ZSCAN20: variants seen among roughly 807,000 people sequenced by gnomAD.
ZSCAN20 encodes the protein zinc finger and SCAN domain-containing protein 20.
Under a neutral mutation model 97.1 loss-of-function variants are expected in ZSCAN20, and 39 were observed. The ratio of observed to expected loss-of-function variants is 0.40; its 90% CI spans 0.31 to 0.52. The LOEUF (loss-of-function observed/expected upper bound fraction) is 0.52, where lower values mean the gene tolerates loss of function less well. ZSCAN20 is among the 20% of genes least tolerant of loss of function. The pLI is 0.49. For synonymous variants in ZSCAN20, 456 were observed against 467.3 expected, an observed-to-expected ratio of 0.98 and a Z score of 0.31; for missense variants, 1,115 against 1,290.4, an observed-to-expected ratio of 0.86 and a Z score of 2.08.
At position 33,500,011 on chromosome 1, in the gene ZSCAN20, C is replaced by A. The variant is rs2148488706; in HGVS notation, c.*4535C>A. ...CAGTGGGAGTGCAGGGAAGGCTTTA[C>A]AGGAGAGGAGGGAGTTGAAATGGGC... On this transcript the variant is annotated 3_prime_UTR_variant, in exon 8 of 8. Transcript: ENST00000684572. Among the ~76,000 whole-genome samples, 1 of 152,272 alleles carries A rather than the reference C, an allele frequency of 6.6e-6. No homozygotes were observed. The highest frequency in any genetic ancestry group is 2.4e-5 in the African/African-American group (1 of 41,542).
At chr1:33,482,010 T>C (rs1277664413) in intron 2 of ZSCAN20, among the ~76,000 whole-genome samples, 1 of 152,200 alleles carries the variant, frequency 6.6e-6, no homozygotes, top group Non-Finnish European at 1.5e-5. Flanking sequence ...AATATGTTTA[T>C]TACCATTGAT....
At position 33,490,675 on chromosome 1, in the gene ZSCAN20, ACACACACAC is replaced by A. The variant is rs751128827; in HGVS notation, c.767-342_767-334del. Among the ~76,000 whole-genome samples, 432 of 58,612 alleles carry A rather than the reference ACACACACAC, an allele frequency of 7.4e-3. 1 individual carries two copies. The highest frequency in any genetic ancestry group is 0.027 in the African/African-American group (303 of 11,430). 38.5% of individuals were successfully genotyped at this position (58,612 alleles called of 152,430 possible). The stretch of plus-strand genomic sequence containing the variant: ...AACACACACACACACACACACACAC[ACACACACAC>A]CACACACCCTTTTCCTCCAGCCATG... On this transcript the variant is annotated intron_variant, in intron 5 of 7. Coordinates refer to ENST00000684572, the MANE Select transcript of ZSCAN20 (RefSeq NM_001377376.1).
In ZSCAN20 at chr1:33,491,595, AT is replaced by A; in HGVS notation, c.1338del (p.Pro447LeufsTer122). 6.2e-7 allele frequency: 1 copy of A among 1,614,170 alleles called. No homozygotes were observed. Among genetic ancestry groups the A allele is most frequent in the South Asian group, 1.1e-5 (1 of 91,082 alleles). On this transcript the variant is annotated frameshift_variant, in exon 6 of 8. Transcript: ENST00000684572. LOFTEE classifies it high-confidence loss of function. The surrounding 1 kb of genome is among the most constrained non-coding windows in gnomAD (Gnocchi z 4.3). ...GATGAGCAGGAGGAAGGGGGCTGGG[AT>A]CCTGAAGAAATGGCAGAAGACTGTA... ...EMDEQEEGGW[D>X]PEEMAEDCNG...
chr1:33,486,753 C>T (rs1393186429), intron 2 of ZSCAN20, among the ~76,000 whole-genome samples: 3 of 152,128 alleles, frequency 2.0e-5, no homozygotes, highest in African/African-American at 7.2e-5. Flanking sequence ...ATAATGATAA[C>T]AAAGTGAATT....
In ZSCAN20 at chr1:33,498,534, G is replaced by A. The variant is rs947538480; in HGVS notation, c.*3058G>A. 2.0e-5 allele frequency among the ~76,000 whole-genome samples: 3 copies of A among 152,192 alleles called. No homozygotes were observed. The highest frequency in any genetic ancestry group is 4.4e-5 in the Non-Finnish European group (3 of 68,026). Reference sequence around the variant, plus strand: ...TTGCTGGGCACCCAGGCGCCCTCCAGTAGGTCTGTGCTGCTCAGATAAACT... The same window carrying A: ...TTGCTGGGCACCCAGGCGCCCTCCAATAGGTCTGTGCTGCTCAGATAAACT... On this transcript the variant is annotated 3_prime_UTR_variant, in exon 8 of 8. Transcript: ENST00000684572.
At chr1:33,475,037 C>T (rs1392474565) in intron 1 of ZSCAN20, among the ~76,000 whole-genome samples, 3 of 152,324 alleles carry the variant, frequency 2.0e-5, no homozygotes, top group East Asian at 3.9e-4. Flanking sequence ...AGTAACACAG[C>T]TGATTAGTGG....
chr1:33,499,489 A>G lies in ZSCAN20; in HGVS notation c.*4013A>G, dbSNP rs1268316522. ...CTTGGGTGACTCCTGGGCATCTCAA[A>G]GCCCCGGTGTCTACCATCACCCATC... On this transcript the variant is annotated 3_prime_UTR_variant, in exon 8 of 8. Coordinates refer to ENST00000684572, the MANE Select transcript of ZSCAN20 (RefSeq NM_001377376.1). 6.6e-6 allele frequency among the ~76,000 whole-genome samples: 1 copy of G among 152,082 alleles called. No individual in the cohort carries two copies. The highest frequency in any genetic ancestry group is 2.4e-5 in the African/African-American group (1 of 41,410).
chr1:33,501,144 T>C lies in ZSCAN20; in HGVS notation c.*5668T>C, dbSNP rs567771611. 6.6e-6 allele frequency among the ~76,000 whole-genome samples: 1 copy of C among 152,268 alleles called. No homozygotes were observed. The highest frequency in any genetic ancestry group is 1.5e-5 in the Non-Finnish European group (1 of 68,022). Reference sequence around the variant, plus strand: ...CAGCACTTGAGAGGAAAGGGCTTGTTCATGACCACGTATGAGGTCGCCAAC... The same window carrying C: ...CAGCACTTGAGAGGAAAGGGCTTGTCCATGACCACGTATGAGGTCGCCAAC... On this transcript the variant is annotated 3_prime_UTR_variant, in exon 8 of 8. Coordinates refer to ENST00000684572, the MANE Select transcript of ZSCAN20 (RefSeq NM_001377376.1).
rs36062419 is a variant in ZSCAN20, at chr1:33,500,663, C to CT, written c.*5203dup. ...TACATGATACTTATTTCTAAAGTCACTTTTTTTTTTTTTTTTACATTTTCA... is the reference window on the plus strand; with the variant it reads ...TACATGATACTTATTTCTAAAGTCACTTTTTTTTTTTTTTTTTACATTTTCA... On this transcript the variant is annotated 3_prime_UTR_variant, in exon 8 of 8. Coordinates refer to ENST00000684572, the MANE Select transcript of ZSCAN20 (RefSeq NM_001377376.1). Among the ~76,000 whole-genome samples the CT allele has an allele frequency of 5.5e-3, 784 of 141,376 alleles. 10 individuals are homozygous for CT. Among genetic ancestry groups the CT allele is most frequent in the African/African-American group, 0.014 (548 of 38,020 alleles). 92.7% of individuals were successfully genotyped at this position (141,376 alleles called of 152,430 possible). A position where few individuals can be genotyped will look rare whatever the true frequency, so the allele number is the denominator to read the frequency against.
rs1022335062 is a variant in ZSCAN20, at chr1:33,494,862, C to T, written c.2518C>T (p.His840Tyr). The change falls in exon 8 of 8, where the codon CAC (histidine) becomes TAC (tyrosine). Residue 840 changes from histidine (H) to tyrosine (Y), a missense_variant. Around this residue, in one of 3 missense-constraint regions of ZSCAN20, gnomAD observed 554 missense variants for 584.9 expected, o/e 0.95. Transcript: ENST00000684572. ...TGCCCAAAGCCCATCTTTTAGTGCTCACTGGAGGAATTCTACAGAAGAGAC... is the reference window on the plus strand; with the variant it reads ...TGCCCAAAGCCCATCTTTTAGTGCTTACTGGAGGAATTCTACAGAAGAGAC... ...NFAQSPSFSAHWRNSTEETAP... is the reference protein window; with the variant it reads ...NFAQSPSFSAYWRNSTEETAP... The T allele has an allele frequency of 2.5e-6, 4 of 1,614,070 alleles. No homozygotes were observed. The highest frequency in any genetic ancestry group is 1.7e-5 in the Admixed American group (1 of 59,996).
chr1:33,479,871 G>A (rs1570547415), intron 2 of ZSCAN20, among the ~76,000 whole-genome samples, 166 bp downstream of exon 2: 2 of 152,192 alleles, frequency 1.3e-5, no homozygotes, highest in Non-Finnish European at 2.9e-5. Context: ...TGCTTTACAT[G>A]TATTAACCCA....
intron 1 of ZSCAN20, among the ~76,000 whole-genome samples, chr1:33,475,192 G>C (rs1489057196): frequency 6.6e-6 from 1 of 152,178 alleles, no homozygotes; most frequent in African/African-American, 2.4e-5. Context: ...TGGAGAAAAG[G>C]GATCTCGGCT....
chr1:33,491,836 C>A lies in ZSCAN20; in HGVS notation c.1444+134C>A. ...GAGTGAAGAGCTACATTCCTTAGGT[C>A]ATCCTCAAACTCCAACTTTCTTTTC... On this transcript the variant is annotated intron_variant, in intron 6 of 7. Coordinates refer to ENST00000684572, the MANE Select transcript of ZSCAN20 (RefSeq NM_001377376.1). This position sits in a 1 kb window ranked among gnomAD's most constrained non-coding sequence, Gnocchi z 4.3. The A allele has an allele frequency of 2.4e-6, 2 of 833,228 alleles. No homozygotes were observed. The highest frequency in any genetic ancestry group is 3.5e-6 in the Non-Finnish European group (2 of 571,024). 51.6% of individuals were successfully genotyped at this position (833,228 alleles called of 1,614,324 possible).
chr1:33,494,591 C>T lies in ZSCAN20; in HGVS notation c.2247C>T (p.Asp749=), dbSNP rs759453358. ...KCLECGKNFS[D]RSNLNTHQRI... Reference sequence around the variant, plus strand: ...TTGAATGTGGAAAAAACTTTAGTGACCGCTCTAACCTCAATACCCATCAGA... The same window carrying T: ...TTGAATGTGGAAAAAACTTTAGTGATCGCTCTAACCTCAATACCCATCAGA... Residue 749 remains aspartate, a synonymous_variant, in exon 8 of 8, where the codon GAC becomes GAT. Transcript: ENST00000684572. The T allele has an allele frequency of 1.1e-5, 18 of 1,613,882 alleles. No individual in the cohort carries two copies. The highest frequency in any genetic ancestry group is 1.4e-5 in the Non-Finnish European group (17 of 1,179,802).
Position 33,494,911 on chromosome 1 carries a change from T to C in ZSCAN20, c.2567T>C (p.Ile856Thr). ...EETAPEQPQS[I>T]SKDLNSPGPH... ...ACAGCTCCTGAACAACCTCAAAGTA[T>C]CAGTAAGGACTTGAATTCTCCTGGA... The change falls in exon 8 of 8, where the codon ATC (isoleucine) becomes ACC (threonine). Residue 856 changes from isoleucine (I) to threonine (T), a missense_variant. Transcript: ENST00000684572. 1 of 1,614,146 alleles carries C rather than the reference T, an allele frequency of 6.2e-7. No individual in the cohort carries two copies. The highest frequency in any genetic ancestry group is 8.5e-7 in the Non-Finnish European group (1 of 1,180,034).
chr1:33,473,082 T>C (rs1651788174), intron 1 of ZSCAN20, among the ~76,000 whole-genome samples: 1 of 152,088 alleles, frequency 6.6e-6, no homozygotes, highest in Admixed American at 6.5e-5. Flanking sequence ...TGTTTCAATC[T>C]CTACCTTCCC....
chr1:33,476,635 C>G (rs1403521593), intron 1 of ZSCAN20, among the ~76,000 whole-genome samples: 1 of 152,158 alleles, frequency 6.6e-6, no homozygotes, highest in Non-Finnish European at 1.5e-5. Flanking sequence ...AGCTGGTACT[C>G]TATAAATGAT....
Position 33,494,626 on chromosome 1 carries a change from C to G in ZSCAN20, c.2282C>G (p.Thr761Ser). ...SNLNTHQRIH[T>S]GEKPYKCLEC... ...CTCAATACCCATCAGAGAATCCACA[C>G]TGGAGAGAAGCCCTATAAATGCCTT... Residue 761 changes from threonine (T) to serine (S), a missense_variant, in exon 8 of 8, where the codon ACT becomes AGT. Thr to Ser is a moderately conservative substitution (Grantham distance 58). Transcript: ENST00000684572. 6.2e-7 allele frequency: 1 copy of G among 1,614,024 alleles called. No individual in the cohort carries two copies. The highest frequency in any genetic ancestry group is 8.5e-7 in the Non-Finnish European group (1 of 1,179,888).
chr1:33,487,469 C>T (rs1023632322), intron 2 of ZSCAN20, among the ~76,000 whole-genome samples: 5 of 151,458 alleles, frequency 3.3e-5, no homozygotes, highest in Non-Finnish European at 5.9e-5. Context: ...GTTGATTACT[C>T]CCTTTTATTT....
Sources: gnomAD v4.1 joint callset for allele counts (sites outside exome capture counted in the v4.1 genomes callset) on GRCh38, gnomAD v4.1.1 for gene constraint, gnomAD v4.1.1 regional missense constraint, Gnocchi (gnomAD v3.1) non-coding constraint, MANE v1.5 for transcripts, NCBI Gene and HGNC (gene_info 2026-07-23, HGNC 2026-07-21) for gene names.